Variants in CACNB4 observed in about 807,000 individuals in gnomAD.
The protein encoded by CACNB4 is calcium voltage-gated channel auxiliary subunit beta 4.
In CACNB4, 32 loss-of-function variants were observed where a neutral mutation model predicts 71.2. The observed-to-expected ratio is 0.45, with a 90% confidence interval of 0.34 to 0.60. The LOEUF (loss-of-function observed/expected upper bound fraction) is 0.60. Among genes scored for constraint, CACNB4 ranks in the 20% least tolerant of loss-of-function variants. CACNB4 has a pLI of 0.01. For missense variants in CACNB4, 464 were observed against 647.9 expected (o/e 0.72, Z 3.08); for synonymous variants, 231 against 236.9 (o/e 0.97, Z 0.23).
chr2:152,066,042 C>A (rs564937467), intron 2 of CACNB4, among the ~76,000 whole-genome samples: 2 of 152,302 alleles, frequency 1.3e-5, no homozygotes, highest in East Asian at 1.9e-4. Flanking sequence ...CATCTTAAAT[C>A]AATCAAGTGG....
intron 2 of CACNB4, among the ~76,000 whole-genome samples, chr2:151,916,475 T>C (rs1398248924): frequency 2.6e-5 from 1 of 38,418 alleles, no homozygotes; most frequent in East Asian, 1.2e-3. Context: ...TTAAAAGGTT[T>C]CCATTTATGA....
At chr2:151,944,221 G>A (rs1163978744) in intron 2 of CACNB4, among the ~76,000 whole-genome samples, 6 of 151,712 alleles carry the variant, frequency 4.0e-5, no homozygotes, top group African/African-American at 1.5e-4. Context: ...AACTTTTTTT[G>A]TAGAGATGGA....
intron 2 of CACNB4, among the ~76,000 whole-genome samples, chr2:152,052,587 C>T (rs530169375): frequency 6.6e-6 from 1 of 152,330 alleles, no homozygotes; most frequent in African/African-American, 2.4e-5. Context: ...AGCCACCACA[C>T]CTGGCTGTTC....
intron 2 of CACNB4, among the ~76,000 whole-genome samples, chr2:151,937,717 A>T (rs2099863274): frequency 6.6e-6 from 1 of 152,148 alleles, no homozygotes; most frequent in South Asian, 2.1e-4. Flanking sequence ...GGAACAATGA[A>T]ATCTCATGTC....
intron 2 of CACNB4, among the ~76,000 whole-genome samples, chr2:152,012,202 G>A (rs934883496): frequency 2.0e-5 from 3 of 152,064 alleles, no homozygotes; most frequent in Admixed American, 6.6e-5. Context: ...CTCCATGTGG[G>A]TTACTGCCCC....
chr2:152,066,218 C>T (rs1307638877), intron 2 of CACNB4, among the ~76,000 whole-genome samples: 1 of 152,186 alleles, frequency 6.6e-6, no homozygotes, highest in Non-Finnish European at 1.5e-5. Context: ...TTCCACATAC[C>T]TTTCACCTCC....
At chr2:151,869,293 G>A in intron 8 of CACNB4, 58 bp from the exon 9 acceptor site, 2 of 944,674 alleles carry the variant, frequency 2.1e-6, no homozygotes, top group Admixed American at 2.1e-5. Flanking sequence ...AGAGAGAGAA[G>A]TCAAAAGGGA....
intron 2 of CACNB4, among the ~76,000 whole-genome samples, chr2:151,949,080 C>T (rs770065762): frequency 1.3e-5 from 2 of 151,688 alleles, no homozygotes; most frequent in Admixed American, 6.6e-5. Context: ...TTCTTCTCTT[C>T]CTACCTTTTC....
chr2:151,975,846 G>C (rs1052531006), intron 2 of CACNB4, among the ~76,000 whole-genome samples: 2 of 152,098 alleles, frequency 1.3e-5, no homozygotes, highest in Non-Finnish European at 2.9e-5. Flanking sequence ...CACTTCAATT[G>C]CAAGTATAGA....
At chr2:151,874,131 T>C (rs982625460) in intron 5 of CACNB4, 1 of 146,146 alleles carries the variant, frequency 6.8e-6, no homozygotes, top group East Asian at 2.6e-4. Context: ...TACAGAACCA[T>C]GACAATTAAA....
chr2:151,982,130 T>A (rs547344573), intron 2 of CACNB4, among the ~76,000 whole-genome samples: 1 of 152,182 alleles, frequency 6.6e-6, no homozygotes, highest in Non-Finnish European at 1.5e-5. Flanking sequence ...GTGGCAGAGA[T>A]GACTAAAAGC....
At chr2:152,001,126 G>A (rs2151779504) in intron 2 of CACNB4, among the ~76,000 whole-genome samples, 1 of 152,278 alleles carries the variant, frequency 6.6e-6, no homozygotes, top group East Asian at 1.9e-4. Flanking sequence ...AGCTACCAAA[G>A]GTCACGGTCA....
At chr2:151,920,742 T>A (rs1197795582) in intron 2 of CACNB4, among the ~76,000 whole-genome samples, 1 of 152,162 alleles carries the variant, frequency 6.6e-6, no homozygotes, top group Non-Finnish European at 1.5e-5. Context: ...TATTTTGTGA[T>A]CAGGATCATA....
intron 2 of CACNB4, among the ~76,000 whole-genome samples, chr2:152,069,336 A>G (rs915935940): frequency 2.0e-5 from 3 of 152,266 alleles, no homozygotes; most frequent in South Asian, 2.1e-4. Context: ...ACAAAGCCCA[A>G]TAGTTTGGAG....
rs548449994 is a variant in CACNB4, at chr2:152,054,323, G to A, written c.147+44007C>T. On this transcript the variant is annotated intron_variant, in intron 2 of 13. Coordinates refer to ENST00000539935, the MANE Select transcript of CACNB4 (RefSeq NM_000726.5). ...GGAGCTTGCAGTGAGCCGAGATCGC[G>A]CCACTGCACTCCAGCCTGGGCGACA... Among the ~76,000 whole-genome samples, 12 of 140,700 alleles carry A rather than the reference G, an allele frequency of 8.5e-5. No homozygotes were observed. In the East Asian group the frequency reaches 1.5e-3, roughly 17 times the overall value. The allele number at this position is 140,700 out of a possible 152,430, so 92.3% of individuals were successfully genotyped here. A position where few individuals can be genotyped will look rare whatever the true frequency, so the allele number is the denominator to read the frequency against.
intron 2 of CACNB4, among the ~76,000 whole-genome samples, chr2:152,035,569 T>TTCTC (rs367670764): frequency 2.6e-5 from 2 of 77,834 alleles, no homozygotes; most frequent in Non-Finnish European, 5.9e-5. Context: ...CTCTCTCTCT[T>TTCTC]TCTCTCTCTC....
intron 2 of CACNB4, among the ~76,000 whole-genome samples, chr2:152,085,579 C>T (rs552667357): frequency 6.3e-4 from 96 of 152,194 alleles, no homozygotes; most frequent in African/African-American, 2.1e-3. Flanking sequence ...ATGAGGGTCC[C>T]GGCTGGTCTC....
intron 3 of CACNB4, 62 bp from the exon 4 acceptor site, chr2:151,880,984 T>C (rs1223641608): frequency 2.7e-6 from 4 of 1,486,116 alleles, no homozygotes; most frequent in Admixed American, 4.4e-5. Flanking sequence ...TTTTTCATAT[T>C]GAAACTCTGA....
At chr2:151,889,361 G>A (rs1471187151) in intron 2 of CACNB4, among the ~76,000 whole-genome samples, 1 of 151,498 alleles carries the variant, frequency 6.6e-6, no homozygotes, top group Non-Finnish European at 1.5e-5. Flanking sequence ...AGCTACTTGG[G>A]AAGCTGAGAC....
Sources: allele counts gnomAD v4.1 joint callset (sites outside exome capture counted in the v4.1 genomes callset), GRCh38; gene constraint gnomAD v4.1.1; transcripts MANE v1.5; gene names NCBI Gene and HGNC (gene_info 2026-07-23, HGNC 2026-07-21).